The following NOL9 variants were observed in gnomAD, a reference collection of about 807,000 sequenced individuals.
The protein encoded by NOL9 is nucleolar protein 9, also known as polynucleotide 5'-hydroxyl-kinase NOL9.
A neutral mutation model predicts 67.9 loss-of-function variants in NOL9; 28 were observed. The observed-to-expected ratio is 0.41, with a 90% CI of 0.31 to 0.57. The LOEUF is 0.57. Ranked by LOEUF, NOL9 falls within the 20% of genes least tolerant of loss-of-function variation. NOL9 has a pLI of 0.25. For missense variants in NOL9, 777 were observed against 897.0 expected, an observed-to-expected ratio of 0.87 and a Z score of 1.71; for synonymous variants, 356 against 352.2, an observed-to-expected ratio of 1.01 and a Z score of -0.12.
chr1:6,553,431 C>T (rs1035123831), intron 1 of NOL9, among the ~76,000 whole-genome samples: 3 of 152,150 alleles, frequency 2.0e-5, no homozygotes, highest in African/African-American at 7.2e-5. Context: ...ACAACTACTC[C>T]GTAAGAGAGC....
At position 6,526,768 on chromosome 1, in the gene NOL9, C is replaced by T. The variant is rs138114111; in HGVS notation, c.1887G>A (p.Pro629=). 38 of 1,613,756 alleles carry T rather than the reference C, an allele frequency of 2.4e-5. No homozygotes were observed. Among genetic ancestry groups the T allele is most frequent in the African/African-American group, 1.1e-4 (8 of 75,006 alleles). The change falls in exon 11 of 12, where the codon CCG becomes CCA. Residue 629 remains proline, a synonymous_variant. Transcript: ENST00000377705. ...GACAATTCACGGTCCTTAGCTCTTC[C>T]GGGGGCACAGGGGTGAGGATGTGGT... ...RLYHILTPVP[P]EELRTVNCLL...
chr1:6,553,010 C>T (rs753807370), intron 1 of NOL9, among the ~76,000 whole-genome samples: 8 of 152,154 alleles, frequency 5.3e-5, no homozygotes, highest in Non-Finnish European at 1.2e-4. Context: ...TGAGGTTTCA[C>T]CATGTTGGTC....
intron 6 of NOL9, among the ~76,000 whole-genome samples, chr1:6,534,269 T>C (rs1334620707): frequency 1.3e-5 from 2 of 152,306 alleles, no homozygotes; most frequent in Middle Eastern, 3.4e-3. Context: ...AGAGATCAAC[T>C]TGAACAAGGT....
intron 3 of NOL9, chr1:6,548,129 CTTA>C (rs111873678): frequency 0.029 from 4,443 of 152,952 alleles, 207 homozygotes; most frequent in African/African-American, 0.11. Context: ...TGCCATGAGA[CTTA>C]AAGTTCTTTT....
chr1:6,524,939 CTG>C lies in NOL9; in HGVS notation c.*913_*914del, dbSNP rs1461845703. Reference sequence around the variant, plus strand: ...TATTTTTAGTAGAGACGGAGTTTCACTGTGTTAGCCAGGATGGTCTCAATCTC... The same window carrying C: ...TATTTTTAGTAGAGACGGAGTTTCACTGTTAGCCAGGATGGTCTCAATCTC... On this transcript the variant is annotated 3_prime_UTR_variant, in exon 12 of 12. Coordinates refer to ENST00000377705, the MANE Select transcript of NOL9 (RefSeq NM_024654.5). 4.6e-5 allele frequency: 7 copies of C among 152,124 alleles called. No homozygotes were observed. Among genetic ancestry groups the C allele is most frequent in the Admixed American group, 4.6e-4 (7 of 15,254 alleles). 9.4% of individuals were successfully genotyped at this position (152,124 alleles called of 1,614,324 possible).
chr1:6,552,321 C>CTGAGCT (rs1639560964), intron 1 of NOL9, among the ~76,000 whole-genome samples: 1 of 150,108 alleles, frequency 6.7e-6, no homozygotes, highest in African/African-American at 2.5e-5. Context: ...CCACCACACC[C>CTGAGCT]GGCCGATATT....
rs1009634482 is a variant in NOL9, at chr1:6,522,898, A to AAAAAG, written c.*2955_*2956insCTTTT. On this transcript the variant is annotated 3_prime_UTR_variant, in exon 12 of 12. Coordinates refer to ENST00000377705, the MANE Select transcript of NOL9 (RefSeq NM_024654.5). ...GACTCTGTCTCAAAAAAAAAAAAAAAAAAGAAATTGCTTCAGCACTTTGGG... is the reference window on the plus strand; with the variant it reads ...GACTCTGTCTCAAAAAAAAAAAAAAAAAAAGAAAGAAATTGCTTCAGCACTTTGGG... The AAAAAG allele has an allele frequency of 6.7e-5, 10 of 148,852 alleles. No homozygotes were observed. The highest frequency in any genetic ancestry group is 1.2e-4 in the Non-Finnish European group (8 of 67,268). 9.2% of individuals were successfully genotyped at this position (148,852 alleles called of 1,614,324 possible).
chr1:6,545,675 C>G (rs376569517), intron 3 of NOL9, among the ~76,000 whole-genome samples: 1 of 151,990 alleles, frequency 6.6e-6, no homozygotes, highest in Non-Finnish European at 1.5e-5. Flanking sequence ...CAGTTGGAAC[C>G]AGCTCACCAC....
intron 3 of NOL9, among the ~76,000 whole-genome samples, chr1:6,547,081 C>T (rs1294923025): frequency 1.3e-5 from 2 of 152,206 alleles, no homozygotes; most frequent in African/African-American, 4.8e-5. Flanking sequence ...TCTGCTGCTC[C>T]CTCATCTTTG....
chr1:6,549,209 G>C (rs182766512), intron 3 of NOL9: 1 of 168,178 alleles, frequency 5.9e-6, no homozygotes, highest in Non-Finnish European at 1.3e-5. Context: ...TGAGGTTGAG[G>C]TCGCACCACT....
chr1:6,550,683 CTTTTTT>C (rs34186512), intron 1 of NOL9, 68 bp from the exon 2 acceptor site: 2 of 598,692 alleles, frequency 3.3e-6, no homozygotes, highest in East Asian at 3.8e-5. Flanking sequence ...ATTCTAAAAT[CTTTTTT>C]TTTTTTTTTT....
Position 6,552,197 on chromosome 1 carries a change from T to C in NOL9, c.397-1582A>G, listed in dbSNP as rs535144190. The stretch of plus-strand genomic sequence containing the variant: ...ATGGATGCTGGGCTTAATACATAGG[T>C]GATGTGTTGATCTGTGCAGCAAACC... On this transcript the variant is annotated intron_variant, in intron 1 of 11. Transcript: ENST00000377705. 3.7e-4 allele frequency among the ~76,000 whole-genome samples: 56 copies of C among 152,120 alleles called. No individual in the cohort carries two copies. In the South Asian group the frequency reaches 0.012, roughly 32 times the overall value.
In NOL9 at chr1:6,553,849, AAAAGAAAG is replaced by A. The variant is rs146708232; in HGVS notation, c.396+250_396+257del. The stretch of plus-strand genomic sequence containing the variant: ...AGAGTGAGACTCTGTCTCAAAAAGA[AAAAGAAAG>A]AAAGAAAACAAAACAAAATAAAGTC... On this transcript the variant is annotated intron_variant, in intron 1 of 11. Transcript: ENST00000377705. Among the ~76,000 whole-genome samples, 65 of 151,282 alleles carry A rather than the reference AAAAGAAAG, an allele frequency of 4.3e-4. No homozygotes were observed. In the South Asian group the frequency reaches 0.012, roughly 27 times the overall value.
At position 6,526,723 on chromosome 1, in the gene NOL9, G is replaced by A; in HGVS notation, c.1932C>T (p.Ala644=). 1.2e-6 allele frequency: 2 copies of A among 1,613,740 alleles called. No individual in the cohort carries two copies. Among genetic ancestry groups the A allele is most frequent in the Non-Finnish European group, 1.7e-6 (2 of 1,179,810 alleles). The change falls in exon 11 of 12, where the codon GCC becomes GCT. Residue 644 remains alanine (A), a synonymous_variant. Coordinates refer to ENST00000377705, the MANE Select transcript of NOL9 (RefSeq NM_024654.5). ...GGCACTTAAGGACACAATGTGGAATGGCAATAGCTCCAACGAGCAGACAAT... is the reference window on the plus strand; with the variant it reads ...GGCACTTAAGGACACAATGTGGAATAGCAATAGCTCCAACGAGCAGACAAT... ...TVNCLLVGAI[A]IPHCVLKCQR...
intron 10 of NOL9, among the ~76,000 whole-genome samples, chr1:6,528,422 G>C (rs1326958497): frequency 6.6e-6 from 1 of 152,230 alleles, no homozygotes; most frequent in Non-Finnish European, 1.5e-5. Context: ...ATTTTGAAGA[G>C]AGAAGCCACC....
At chr1:6,544,790 A>G (rs747213477) in intron 5 of NOL9, 36 bp downstream of exon 5, 2 of 1,605,026 alleles carry the variant, frequency 1.2e-6, no homozygotes, top group South Asian at 2.2e-5. Flanking sequence ...ACAAAAACCT[A>G]GCAATGTGTC....
chr1:6,531,687 C>G (rs1433364176), intron 9 of NOL9, among the ~76,000 whole-genome samples: 1 of 152,150 alleles, frequency 6.6e-6, no homozygotes, highest in African/African-American at 2.4e-5. Context: ...CACGGACCCA[C>G]ACTTATCCTC....
Position 6,554,138 on chromosome 1 carries a change from C to G in NOL9, c.365G>C (p.Gly122Ala). The part of the protein sequence containing the change: ...LIPPVRPVGP[G>A]RALLLLPVEQ... ...GACCGGCAGCAGCAGCAACGCGCGG[C>G]CGGGGCCCACGGGCCGCACCGGTGG... is the stretch of plus-strand genomic sequence containing the variant. Residue 122 changes from glycine to alanine, a missense_variant, in exon 1 of 12, where the codon GGC (glycine) becomes GCC (alanine). Gly to Ala is a moderately conservative substitution (Grantham distance 60). Transcript: ENST00000377705. 6.5e-7 allele frequency: 1 copy of G among 1,530,884 alleles called. No individual in the cohort carries two copies. The highest frequency in any genetic ancestry group is 8.8e-7 in the Non-Finnish European group (1 of 1,138,486). The allele number at this position is 1,530,884 out of a possible 1,614,324, so 94.8% of individuals were successfully genotyped here.
chr1:6,545,203 T>C (rs773671079), intron 3 of NOL9, 23 bp from the exon 4 acceptor site: 2 of 1,598,664 alleles, frequency 1.3e-6, no homozygotes, highest in Admixed American at 3.6e-5. Context: ...ATTTAAACTT[T>C]AAGGTGAAAA....
Sources: gnomAD v4.1 joint callset for allele counts (sites outside exome capture counted in the v4.1 genomes callset) on GRCh38, gnomAD v4.1.1 for gene constraint, MANE v1.5 for transcripts, NCBI Gene and HGNC (gene_info 2026-07-23, HGNC 2026-07-21) for gene names.